Variants in SEC23A observed in about 807,000 individuals in gnomAD.
SEC23A encodes SEC23 homolog A, COPII component.
In SEC23A, 56 loss-of-function variants were observed where a neutral mutation model predicts 103.7. The observed-to-expected ratio is 0.54, with a 90% CI of 0.44 to 0.67. SEC23A has a LOEUF of 0.67. SEC23A is among the 30% of genes least tolerant of loss of function. The pLI, the probability that SEC23A is intolerant of heterozygous loss-of-function variation, is 0.00. For missense variants in SEC23A, 784 were observed against 936.4 expected (o/e 0.84, Z 2.12); for synonymous variants, 281 against 293.0 (o/e 0.96, Z 0.42).
At chr14:39,086,062 G>A (rs2139276289) in intron 6 of SEC23A, among the ~76,000 whole-genome samples, 156 bp from the exon 7 acceptor site, 1 of 152,236 alleles carries the variant, frequency 6.6e-6, no homozygotes, top group Non-Finnish European at 1.5e-5. Context: ...CCAGCTGGAG[G>A]GCTTGTTTTA....
At chr14:39,041,098 G>C in intron 17 of SEC23A, 1 of 491,768 alleles carries the variant, frequency 2.0e-6, no homozygotes, top group Non-Finnish European at 3.3e-6. Flanking sequence ...AAAGTAAAAT[G>C]AAAGAATACT....
Position 39,099,161 on chromosome 14 carries a change from T to G in SEC23A, c.-21-3022A>C, listed in dbSNP as rs993423308. Among the ~76,000 whole-genome samples, 6 of 142,198 alleles carry G rather than the reference T, an allele frequency of 4.2e-5. No individual in the cohort carries two copies. In the Admixed American group the frequency reaches 4.2e-4, roughly 10 times the overall value. The allele number at this position is 142,198 out of a possible 152,430, so 93.3% of individuals were successfully genotyped here. On this transcript the variant is annotated intron_variant, in intron 1 of 19. Transcript: ENST00000307712. ...ACATTAAATTGTTTTTGGGTTTTTTTTTTTTTTTTTTTTTTTGACACGGAG... is the reference window on the plus strand; with the variant it reads ...ACATTAAATTGTTTTTGGGTTTTTTGTTTTTTTTTTTTTTTTGACACGGAG...
chr14:39,046,146 C>T (rs141935724), intron 15 of SEC23A, among the ~76,000 whole-genome samples: 6 of 152,132 alleles, frequency 3.9e-5, no homozygotes, highest in African/African-American at 1.4e-4. Context: ...GATTGTGAGT[C>T]CTCCCCAGCC....
chr14:39,084,072 A>G (rs1887336506), intron 7 of SEC23A, among the ~76,000 whole-genome samples: 1 of 152,036 alleles, frequency 6.6e-6, no homozygotes. Context: ...CCCAGGCTGG[A>G]GTGCAGTGGC....
At chr14:39,055,406 T>A in intron 13 of SEC23A, 110 bp from the exon 14 acceptor site, 6 of 1,098,784 alleles carry the variant, frequency 5.5e-6, no homozygotes, top group Non-Finnish European at 7.7e-6. Context: ...CAGAAACTAC[T>A]AGGATTTTTT....
Position 39,055,279 on chromosome 14 carries a change from G to A in SEC23A, c.1523C>T (p.Thr508Ile), listed in dbSNP as rs1157745933. ...TIARNWADAQ[T>I]QIQNIAASFD... ...AGATGCAGCAATGTTTTGGATTTGA[G>A]TTTGAGCATCTGCCCAGCTGAAGAC... The change falls in exon 14 of 20, where the codon ACT becomes ATT. Residue 508 changes from threonine (T) to isoleucine (I), a missense_variant. By Grantham distance (89) the Thr-to-Ile change is moderately conservative. This residue lies in a region of SEC23A where 683 missense variants were observed against 774.2 expected (regional missense o/e 0.88). Coordinates refer to ENST00000307712, the MANE Select transcript of SEC23A (RefSeq NM_006364.4). 5.0e-6 allele frequency: 8 copies of A among 1,614,032 alleles called. No homozygotes were observed. The highest frequency in any genetic ancestry group is 6.8e-6 in the Non-Finnish European group (8 of 1,180,034).
intron 19 of SEC23A, 52 bp downstream of exon 19, chr14:39,038,978 TA>T: frequency 2.7e-6 from 4 of 1,454,582 alleles, no homozygotes; most frequent in Non-Finnish European, 3.9e-6. Flanking sequence ...ACTAAAATAA[TA>T]AACAATAAAT....
intron 9 of SEC23A, among the ~76,000 whole-genome samples, chr14:39,071,980 T>A (rs896376045): frequency 2.0e-5 from 3 of 151,886 alleles, no homozygotes; most frequent in African/African-American, 7.3e-5. Context: ...ACACCTGTAA[T>A]CCCAGAATTT....
chr14:39,040,433 C>T, intron 18 of SEC23A: 1 of 371,704 alleles, frequency 2.7e-6, no homozygotes, highest in Non-Finnish European at 4.9e-6. Flanking sequence ...CCAAGCTGTT[C>T]ACATTTTCTT....
intron 16 of SEC23A, among the ~76,000 whole-genome samples, chr14:39,044,369 TA>T (rs534614351): frequency 3.3e-5 from 5 of 152,194 alleles, no homozygotes; most frequent in African/African-American, 9.6e-5. Context: ...ACCAACATAT[TA>T]AAAATATATA....
chr14:39,077,194 CCT>C (rs1335969182), intron 7 of SEC23A, among the ~76,000 whole-genome samples: 1 of 130,346 alleles, frequency 7.7e-6, no homozygotes, highest in Non-Finnish European at 1.5e-5. Context: ...TACCACTGCA[CCT>C]TAGCCTGGGC....
At chr14:39,069,153 C>T (rs1332191330) in intron 9 of SEC23A, among the ~76,000 whole-genome samples, 1 of 152,124 alleles carries the variant, frequency 6.6e-6, no homozygotes, top group Non-Finnish European at 1.5e-5. Flanking sequence ...TTGTCCACAC[C>T]CTTACATCTA....
chr14:39,102,904 C>G (rs1888166754), intron 1 of SEC23A, 128 bp downstream of exon 1: 1 of 152,522 alleles, frequency 6.6e-6, no homozygotes, highest in African/African-American at 2.4e-5. Context: ...CTCCCCGCGC[C>G]GGACCGGGCC....
At position 39,094,424 on chromosome 14, in the gene SEC23A, ATATATATATATATATATAT is replaced by A. The variant is rs1378149774; in HGVS notation, c.222-1199_222-1181del. Among the ~76,000 whole-genome samples, 88 of 58,588 alleles carry A rather than the reference ATATATATATATATATATAT, an allele frequency of 1.5e-3. 12 individuals are homozygous for A. Among genetic ancestry groups the A allele is most frequent in the East Asian group, 7.2e-3 (15 of 2,090 alleles). 38.4% of individuals were successfully genotyped at this position (58,588 alleles called of 152,430 possible). ...TATATATATATATATATATATATAT[ATATATATATATATATATAT>A]TTTTTTTTTTTTTTTTTCCCCTCCT... On this transcript the variant is annotated intron_variant, in intron 2 of 19. Transcript: ENST00000307712.
intron 13 of SEC23A, among the ~76,000 whole-genome samples, chr14:39,061,190 G>GA (rs1405262668): frequency 6.6e-6 from 1 of 151,104 alleles, no homozygotes; most frequent in Non-Finnish European, 1.5e-5. Flanking sequence ...GAAGGATTAG[G>GA]AAAAAAAACA....
chr14:39,050,022 C>T (rs1463138088), intron 14 of SEC23A, among the ~76,000 whole-genome samples: 4 of 152,010 alleles, frequency 2.6e-5, no homozygotes, highest in Admixed American at 2.0e-4. Context: ...CCCGTCTCGG[C>T]CTCCCAAAAT....
rs1838211323 is a variant in SEC23A, at chr14:39,074,440, T to C, written c.1078A>G (p.Met360Val). 1 of 1,612,658 alleles carries C rather than the reference T, an allele frequency of 6.2e-7. No individual in the cohort carries two copies. The change falls in exon 9 of 20, where the codon ATG becomes GTG. Residue 360 changes from methionine to valine, a missense_variant. Coordinates refer to ENST00000307712, the MANE Select transcript of SEC23A (RefSeq NM_006364.4). ...CCAGTAAGGTTGGGACAGCATTTCATCTCCAGGAGACCTGTCTGATCTAAT... is the reference window on the plus strand; with the variant it reads ...CCAGTAAGGTTGGGACAGCATTTCACCTCCAGGAGACCTGTCTGATCTAAT... ...CALDQTGLLE[M>V]KCCPNLTGGY...
intron 18 of SEC23A, 111 bp downstream of exon 18, chr14:39,040,621 T>G: frequency 1.5e-6 from 2 of 1,371,398 alleles, no homozygotes; most frequent in South Asian, 2.3e-5. Flanking sequence ...CCTATCTCCT[T>G]ACCTTTCTGT....
chr14:39,074,326 C>T, intron 9 of SEC23A, 89 bp downstream of exon 9: 1 of 866,324 alleles, frequency 1.2e-6, no homozygotes, highest in South Asian at 1.3e-5. Flanking sequence ...GAAGATGACA[C>T]TTTTCCCTAA....
Sources: gnomAD v4.1 joint callset for allele counts (sites outside exome capture counted in the v4.1 genomes callset) on GRCh38, gnomAD v4.1.1 for gene constraint, gnomAD v4.1.1 regional missense constraint, MANE v1.5 for transcripts, NCBI Gene and HGNC (gene_info 2026-07-23, HGNC 2026-07-21) for gene names.